Variants in TANC2 observed in about 807,000 individuals in gnomAD.
The protein encoded by TANC2 is protein TANC2.
In TANC2, 26 loss-of-function variants were observed where a neutral mutation model predicts 210.5. The ratio of observed to expected loss-of-function variants is 0.12; its 90% CI spans 0.09 to 0.17. The LOEUF is 0.17. Ranked by LOEUF, TANC2 falls within the 10% of genes least tolerant of loss-of-function variation. The pLI is 1.00. For synonymous variants in TANC2, 931 were observed against 967.1 expected (o/e 0.96, Z 0.69); for missense variants, 2,129 against 2,608.9 (o/e 0.82, Z 4.01).
At chr17:63,413,039 A>G in intron 24 of TANC2, 1 of 318,052 alleles carries the variant, frequency 3.1e-6, no homozygotes, top group Non-Finnish European at 5.7e-6. Flanking sequence ...TTCAAAGTGA[A>G]TCCCGGGGAG....
At chr17:63,059,758 T>C (rs1199783453) in intron 2 of TANC2, among the ~76,000 whole-genome samples, 1 of 152,160 alleles carries the variant, frequency 6.6e-6, no homozygotes, top group Non-Finnish European at 1.5e-5. Context: ...ACTAACCTTT[T>C]TGACATGACC....
At chr17:63,342,275 C>A (rs1223990047) in intron 12 of TANC2, among the ~76,000 whole-genome samples, 1 of 151,882 alleles carries the variant, frequency 6.6e-6, no homozygotes, top group African/African-American at 2.4e-5. Flanking sequence ...ATACACTTTG[C>A]AGTTTATAAG....
chr17:63,032,307 A>C (rs1184461976), intron 2 of TANC2, among the ~76,000 whole-genome samples: 5 of 152,064 alleles, frequency 3.3e-5, no homozygotes, highest in African/African-American at 1.2e-4. Context: ...AGTCAGTTAC[A>C]CTTTGGACTA....
chr17:63,091,762 G>A (rs1598385770), intron 3 of TANC2, among the ~76,000 whole-genome samples: 1 of 152,128 alleles, frequency 6.6e-6, no homozygotes, highest in East Asian at 1.9e-4. Context: ...ATCATTGGTA[G>A]CTTGATGGGG....
At chr17:63,139,177 A>G (rs8076789) in intron 4 of TANC2, among the ~76,000 whole-genome samples, 31,587 of 152,174 alleles carry the variant, frequency 0.21, 7,045 homozygotes, top group African/African-American at 0.56. Context: ...TTATCTCCCA[A>G]TTCTCTTATT....
rs376340189 is a variant in TANC2, at chr17:63,420,442, C to T, written c.4712C>T (p.Pro1571Leu). The change falls in exon 28 of 28, where the codon CCT becomes CTT. Residue 1571 changes from proline (P) to leucine (L), a missense_variant. Physicochemically the swap from Pro to Leu is moderately conservative, Grantham distance 98. Transcript: ENST00000689528. This position sits in a 1 kb window ranked among gnomAD's most constrained non-coding sequence, Gnocchi z 4.2. ...AGACAGACCTATCAGTCCACCTCACCTGCCCTTTCTCCAACTCATCAGAAC... is the reference window on the plus strand; with the variant it reads ...AGACAGACCTATCAGTCCACCTCACTTGCCCTTTCTCCAACTCATCAGAAC... 23 of 1,613,870 alleles carry T rather than the reference C, an allele frequency of 1.4e-5. No individual in the cohort carries two copies. In the African/African-American group the frequency reaches 3.1e-4, roughly 22 times the overall value.
At chr17:63,266,137 A>G (rs1396598626) in intron 8 of TANC2, among the ~76,000 whole-genome samples, 1 of 152,128 alleles carries the variant, frequency 6.6e-6, no homozygotes, top group African/African-American at 2.4e-5. Flanking sequence ...AAGATAACAG[A>G]GTTGAGCATT....
intron 7 of TANC2, among the ~76,000 whole-genome samples, chr17:63,205,782 C>T (rs2041691039): frequency 6.6e-6 from 1 of 151,884 alleles, no homozygotes; most frequent in Non-Finnish European, 1.5e-5. Context: ...GGCATGGTGG[C>T]ACAAGCCTGT....
rs111916959 is a variant in TANC2 at position 63,321,400 on chromosome 17, CCTT to C, written c.1575+2314_1575+2316del. The stretch of plus-strand genomic sequence containing the variant: ...AGTTCTTCCTTTTCTCCAGCTGTCT[CCTT>C]CTTTTTATAGCATCCTGTTCTTGTT... On this transcript the variant is annotated intron_variant, in intron 11 of 27. Transcript: ENST00000689528. Among the ~76,000 whole-genome samples the C allele has an allele frequency of 3.6e-3, 549 of 152,242 alleles. 4 individuals are homozygous for C. Among genetic ancestry groups the C allele is most frequent in the African/African-American group, 0.013 (524 of 41,528 alleles).
chr17:63,220,717 A>AT (rs1254929643), intron 7 of TANC2, among the ~76,000 whole-genome samples: 1,829 of 135,876 alleles, frequency 0.013, 38 homozygotes, highest in African/African-American at 0.028. Context: ...AAAAAAAAAA[A>AT]AAATATATAT....
intron 9 of TANC2, among the ~76,000 whole-genome samples, chr17:63,282,544 A>G (rs959981087): frequency 2.6e-5 from 4 of 152,120 alleles, no homozygotes; most frequent in South Asian, 2.1e-4. Context: ...AATTCTATCA[A>G]ATATTTAAGA....
chr17:63,374,642 C>T (rs2047372363), intron 14 of TANC2, among the ~76,000 whole-genome samples: 1 of 152,100 alleles, frequency 6.6e-6, no homozygotes, highest in Non-Finnish European at 1.5e-5. Context: ...ATGAACTAAA[C>T]AGGAAAGAGA....
chr17:63,399,752 TTATTAAAAATAAGAG>T (rs777034147), intron 19 of TANC2, among the ~76,000 whole-genome samples: 12 of 152,344 alleles, frequency 7.9e-5, no homozygotes, highest in African/African-American at 2.9e-4. Flanking sequence ...GATAAGAGTG[TTATTAAAAATAAGAG>T]GTTCTTGAAC....
In TANC2 at chr17:63,419,108, C is replaced by T. The variant is rs1568004646; in HGVS notation, c.4268+701C>T. On this transcript the variant is annotated intron_variant, in intron 27 of 27. Coordinates refer to ENST00000689528, the Ensembl canonical transcript of TANC2. ...TTGTCACTGTCTCTTATGCCTCCTG[C>T]CCTCCTCCTCCCCAGCTGCATGGGA... 3.3e-5 allele frequency among the ~76,000 whole-genome samples: 5 copies of T among 152,300 alleles called. No homozygotes were observed. In the South Asian group the frequency reaches 1.0e-3, roughly 32 times the overall value.
At chr17:63,035,766 A>G (rs1230855722) in intron 2 of TANC2, among the ~76,000 whole-genome samples, 1 of 152,202 alleles carries the variant, frequency 6.6e-6, no homozygotes, top group Non-Finnish European at 1.5e-5. Flanking sequence ...ATGTTTAACT[A>G]CACAAGGAAC....
intron 5 of TANC2, among the ~76,000 whole-genome samples, chr17:63,172,666 G>A (rs1002788186): frequency 1.3e-5 from 2 of 152,092 alleles, no homozygotes; most frequent in Non-Finnish European, 1.5e-5. Context: ...AACATAGTAG[G>A]TGTTCACTAA....
chr17:63,424,250 T>G (rs1246693304), exon 28 of TANC2: 1 of 152,196 alleles, frequency 6.6e-6, no homozygotes, highest in African/African-American at 2.4e-5. Flanking sequence ...ACAAAAAGAT[T>G]TAGGGCCTAT....
intron 1 of TANC2, among the ~76,000 whole-genome samples, chr17:63,009,315 T>G (rs2033763292): frequency 6.6e-6 from 1 of 152,094 alleles, no homozygotes; most frequent in Admixed American, 6.6e-5. Context: ...TGTATATATT[T>G]ATGGGGTACA....
chr17:63,248,584 T>C (rs1465948295), intron 8 of TANC2, among the ~76,000 whole-genome samples: 2 of 152,194 alleles, frequency 1.3e-5, no homozygotes, highest in African/African-American at 4.8e-5. Flanking sequence ...GTCCTTGCCA[T>C]GATACAGATT....
Sources: gnomAD v4.1 joint callset for allele counts (sites outside exome capture counted in the v4.1 genomes callset) on GRCh38, gnomAD v4.1.1 for gene constraint, Gnocchi (gnomAD v3.1) non-coding constraint, MANE v1.5 for transcripts, NCBI Gene and HGNC (gene_info 2026-07-23, HGNC 2026-07-21) for gene names.